Variants in ICE2 observed in about 807,000 individuals in gnomAD.
ICE2 encodes little elongation complex subunit 2.
ICE2 carries 87 observed loss-of-function variants against 105.4 expected under a neutral mutation model. The observed-to-expected ratio is 0.83, with a 90% CI of 0.69 to 0.99. The LOEUF is 0.99. Among genes scored for constraint, ICE2 ranks in the 50% least tolerant of loss-of-function variants. The pLI, the probability that ICE2 is intolerant of heterozygous loss-of-function variation, is 0.00. For synonymous variants in ICE2, 399 were observed against 392.0 expected (o/e 1.02, Z -0.21); for missense variants, 1,323 against 1,146.7 (o/e 1.15, Z -2.22).
chr15:60,428,362 G>A, intron 15 of ICE2, 67 bp downstream of exon 15: 1 of 1,488,072 alleles, frequency 6.7e-7, no homozygotes, highest in Non-Finnish European at 9.2e-7. Flanking sequence ...GTGAAATACG[G>A]TAAAGTCAGT....
At chr15:60,425,780 A>G (rs1038635372) in intron 15 of ICE2, among the ~76,000 whole-genome samples, 4 of 152,218 alleles carry the variant, frequency 2.6e-5, no homozygotes, top group African/African-American at 9.6e-5. Flanking sequence ...GAAAGCTGTC[A>G]TCTTACCATT....
intron 9 of ICE2, 74 bp downstream of exon 9, chr15:60,453,529 T>C (rs1259878023): frequency 2.6e-6 from 4 of 1,565,274 alleles, no homozygotes; most frequent in Non-Finnish European, 3.4e-6. Flanking sequence ...GTTTAGGGAT[T>C]TGCAATAAAA....
Position 60,449,672 on chromosome 15 carries a change from G to A in ICE2, c.1295C>T (p.Pro432Leu), listed in dbSNP as rs755026443. 10 of 1,614,066 alleles carry A rather than the reference G, an allele frequency of 6.2e-6. No individual in the cohort carries two copies. In the South Asian group the frequency reaches 9.9e-5, roughly 16 times the overall value. Reference sequence around the variant, plus strand: ...TGTAGTTCCTGCTTTGGGGGCTGTAGGAGCATCTGTCATGTTAGGTACTGT... The same window carrying A: ...TGTAGTTCCTGCTTTGGGGGCTGTAAGAGCATCTGTCATGTTAGGTACTGT... ...TSTVPNMTDA[P>L]TAPKAGTTTV... is the part of the protein sequence containing the mutation. The change falls in exon 10 of 16, where the codon CCT (proline) becomes CTT (leucine). Residue 432 changes from proline to leucine, a missense_variant. Coordinates refer to ENST00000261520, the MANE Select transcript of ICE2 (RefSeq NM_024611.6).
intron 4 of ICE2, 75 bp downstream of exon 4, chr15:60,467,984 CAT>C (rs2064477241): frequency 8.3e-6 from 11 of 1,332,638 alleles, no homozygotes; most frequent in African/African-American, 3.0e-5. Context: ...GACCTAAAAA[CAT>C]AAATGTAAAT....
In ICE2 at chr15:60,420,350, T is replaced by G. The variant is rs1454968074; in HGVS notation, c.*3284A>C. 1 of 152,124 alleles carries G rather than the reference T, an allele frequency of 6.6e-6. No individual in the cohort carries two copies. Among genetic ancestry groups the G allele is most frequent in the Non-Finnish European group, 1.5e-5 (1 of 68,024 alleles). 9.4% of individuals were successfully genotyped at this position (152,124 alleles called of 1,614,324 possible). On this transcript the variant is annotated 3_prime_UTR_variant, in exon 16 of 16. Coordinates refer to ENST00000261520, the MANE Select transcript of ICE2 (RefSeq NM_024611.6). ...CATCACTTGAGCCCACTCCTATTCT[T>G]GCTGCTTTAATTCTGGGCCATTGCC...
intron 11 of ICE2, 122 bp downstream of exon 11, chr15:60,447,843 AAAAAC>A: frequency 1.3e-6 from 1 of 789,386 alleles, no homozygotes; most frequent in Non-Finnish European, 2.0e-6. Flanking sequence ...ACAAAAAACA[AAAAAC>A]AAAACTCAAC....
intron 15 of ICE2, among the ~76,000 whole-genome samples, chr15:60,425,597 G>A (rs1003803568): frequency 3.9e-5 from 6 of 152,150 alleles, no homozygotes; most frequent in African/African-American, 1.2e-4. Context: ...AGGCTCTACT[G>A]GCATATCTCT....
intron 11 of ICE2, among the ~76,000 whole-genome samples, chr15:60,446,365 G>A (rs938681786): frequency 1.3e-5 from 2 of 152,156 alleles, no homozygotes; most frequent in Non-Finnish European, 2.9e-5. Context: ...CCCTCATGCC[G>A]CTGTTATTAG....
chr15:60,420,023 T>C lies in ICE2; in HGVS notation c.*3611A>G, dbSNP rs970423600. 2 of 152,218 alleles carry C rather than the reference T, an allele frequency of 1.3e-5. No homozygotes were observed. Among genetic ancestry groups the C allele is most frequent in the African/African-American group, 4.8e-5 (2 of 41,464 alleles). The allele number at this position is 152,218 out of a possible 1,614,324, so 9.4% of individuals were successfully genotyped here. On this transcript the variant is annotated 3_prime_UTR_variant, in exon 16 of 16. Transcript: ENST00000261520. ...GCAACTTCATGAGAGACCTGGACTT[T>C]TGACTTACAGAAACTGTGAGATAAT... is the stretch of plus-strand genomic sequence containing the variant.
In ICE2 at chr15:60,466,686, C is replaced by T. The variant is rs2064439535; in HGVS notation, c.436G>A (p.Val146Ile). Residue 146 changes from valine (V) to isoleucine (I), a missense_variant, in exon 5 of 16, where the codon GTT becomes ATT. Coordinates refer to ENST00000261520, the MANE Select transcript of ICE2 (RefSeq NM_024611.6). ...LDMKKHVNEEVTEFLKFLQNS... is the reference protein window; with the variant it reads ...LDMKKHVNEEITEFLKFLQNS... The stretch of plus-strand genomic sequence containing the variant: ...TGCAAAAACTTTAGGAACTCAGTAA[C>T]TTCTTCGTTCACATGTTTTTTCATA... The T allele has an allele frequency of 6.2e-7, 1 of 1,607,928 alleles. No homozygotes were observed. Among genetic ancestry groups the T allele is most frequent in the Non-Finnish European group, 8.5e-7 (1 of 1,178,388 alleles).
chr15:60,464,400 A>G (rs35445274), intron 5 of ICE2, among the ~76,000 whole-genome samples: 14,784 of 152,214 alleles, frequency 0.097, 919 homozygotes, highest in Middle Eastern at 0.21. Flanking sequence ...GAAGGACAAT[A>G]AGCAAAAATA....
Position 60,479,054 on chromosome 15 carries a change from C to A in ICE2, c.-144G>T, listed in dbSNP as rs1251962201. On this transcript the variant is annotated 5_prime_UTR_variant, in exon 1 of 16. Coordinates refer to ENST00000261520, the MANE Select transcript of ICE2 (RefSeq NM_024611.6). ...AGGCCGCAGCCACACACCACACACG[C>A]TCCACCCCACTCCTCACATTGTCGC... is the stretch of plus-strand genomic sequence containing the variant. 1 of 455,034 alleles carries A rather than the reference C, an allele frequency of 2.2e-6. No homozygotes were observed. The highest frequency in any genetic ancestry group is 7.0e-5 in the East Asian group (1 of 14,322). The allele number at this position is 455,034 out of a possible 1,614,324, so 28.2% of individuals were successfully genotyped here.
At chr15:60,446,428 C>T (rs1407569590) in intron 11 of ICE2, among the ~76,000 whole-genome samples, 2 of 152,140 alleles carry the variant, frequency 1.3e-5, no homozygotes, top group Non-Finnish European at 2.9e-5. Context: ...TAGAGTCTCA[C>T]TCTGTTGCCC....
At chr15:60,433,223 G>A (rs1195949364) in intron 13 of ICE2, among the ~76,000 whole-genome samples, 1 of 151,262 alleles carries the variant, frequency 6.6e-6, no homozygotes, top group East Asian at 2.0e-4. Flanking sequence ...GAGTAGCTGG[G>A]ACTACAGGTG....
In ICE2 at chr15:60,420,031, C is replaced by T. The variant is rs1365312617; in HGVS notation, c.*3603G>A. 1 of 151,984 alleles carries T rather than the reference C, an allele frequency of 6.6e-6. No individual in the cohort carries two copies. The highest frequency in any genetic ancestry group is 1.5e-5 in the Non-Finnish European group (1 of 68,026). 9.4% of individuals were successfully genotyped at this position (151,984 alleles called of 1,614,324 possible). A position where few individuals can be genotyped will look rare whatever the true frequency, so the allele number is the denominator to read the frequency against. The stretch of plus-strand genomic sequence containing the variant: ...ATGAGAGACCTGGACTTTTGACTTA[C>T]AGAAACTGTGAGATAATGTTTGTTG... On this transcript the variant is annotated 3_prime_UTR_variant, in exon 16 of 16. Coordinates refer to ENST00000261520, the MANE Select transcript of ICE2 (RefSeq NM_024611.6).
chr15:60,433,842 A>T (rs1748358107), intron 13 of ICE2, among the ~76,000 whole-genome samples: 1 of 152,062 alleles, frequency 6.6e-6, no homozygotes, highest in Non-Finnish European at 1.5e-5. Context: ...AAAGCGAGGC[A>T]GGTGGAGAGT....
At position 60,426,043 on chromosome 15, in the gene ICE2, C is replaced by T. The variant is rs181091467; in HGVS notation, c.2821-2281G>A. Among the ~76,000 whole-genome samples, 73 of 152,224 alleles carry T rather than the reference C, an allele frequency of 4.8e-4. 1 individual carries two copies. Among genetic ancestry groups the T allele is most frequent in the Middle Eastern group, 6.8e-3 (2 of 294 alleles). On this transcript the variant is annotated intron_variant, in intron 15 of 15. Transcript: ENST00000261520. Reference sequence around the variant, plus strand: ...ACAACAACCTGGGCCTGGATAATCTCGTTAAGTATTTGTTCCTGGACTGAA... The same window carrying T: ...ACAACAACCTGGGCCTGGATAATCTTGTTAAGTATTTGTTCCTGGACTGAA...
chr15:60,432,181 C>CTTTTTT (rs35081421), intron 13 of ICE2, among the ~76,000 whole-genome samples, 197 bp from the exon 14 acceptor site: 1 of 110,632 alleles, frequency 9.0e-6, no homozygotes, highest in Non-Finnish European at 1.8e-5. Flanking sequence ...AAAAAATTTC[C>CTTTTTT]TTTTTTTTTT....
chr15:60,442,322 A>G (rs980853958), intron 12 of ICE2, 94 bp downstream of exon 12: 1 of 1,195,060 alleles, frequency 8.4e-7, no homozygotes, highest in Non-Finnish European at 1.2e-6. Context: ...AACGAAAGTA[A>G]AAAAGGGCAG....
Sources: allele counts gnomAD v4.1 joint callset (sites outside exome capture counted in the v4.1 genomes callset), GRCh38; gene constraint gnomAD v4.1.1; transcripts MANE v1.5; gene names NCBI Gene and HGNC (gene_info 2026-07-23, HGNC 2026-07-21).